BBS7: variants seen among roughly 807,000 people sequenced by gnomAD.
BBS7 encodes BBSome complex member BBS7.
Under a neutral mutation model 90.3 loss-of-function variants are expected in BBS7, and 50 were observed. The observed-to-expected ratio is 0.55, with a 90% CI of 0.44 to 0.70. The LOEUF (loss-of-function observed/expected upper bound fraction) is 0.70, where lower values mean the gene tolerates loss of function less well. Among genes scored for constraint, BBS7 ranks in the 30% least tolerant of loss-of-function variants. BBS7 has a pLI of 0.00. For synonymous variants in BBS7, 235 were observed against 287.4 expected (o/e 0.82, Z 1.85); for missense variants, 729 against 838.9 (o/e 0.87, Z 1.62).
rs923930905 is a variant in BBS7, at chr4:121,832,980, T to A, written c.1676+251A>T. Among the ~76,000 whole-genome samples, 11 of 152,340 alleles carry A rather than the reference T, an allele frequency of 7.2e-5. No individual in the cohort carries two copies. In the East Asian group the frequency reaches 2.1e-3, roughly 29 times the overall value. The stretch of plus-strand genomic sequence containing the variant: ...TTATTGCTACTCTGAAGGGCTCTTT[T>A]TAAATAATTTATTTTCTCACTAGTT... On this transcript the variant is annotated intron_variant, in intron 15 of 18. Coordinates refer to ENST00000264499, the MANE Select transcript of BBS7 (RefSeq NM_176824.3).
At chr4:121,852,346 G>A (rs1030494339) in intron 8 of BBS7, among the ~76,000 whole-genome samples, 1 of 152,074 alleles carries the variant, frequency 6.6e-6, no homozygotes, top group African/African-American at 2.4e-5. Context: ...AGGCAGGATA[G>A]GGAAGCCCTG....
At chr4:121,845,761 T>C in intron 10 of BBS7, 65 bp from the exon 11 acceptor site, 1 of 1,447,644 alleles carries the variant, frequency 6.9e-7, no homozygotes, top group Non-Finnish European at 9.6e-7. Context: ...TTAGGATGTT[T>C]ACAAAAATTT....
chr4:121,843,153 A>G (rs1321523571), intron 12 of BBS7, among the ~76,000 whole-genome samples: 1 of 152,180 alleles, frequency 6.6e-6, no homozygotes, highest in Non-Finnish European at 1.5e-5. Context: ...GAGAAGTTAG[A>G]GATGTAATCA....
chr4:121,839,759 A>T, intron 12 of BBS7, 63 bp from the exon 13 acceptor site: 2 of 1,346,108 alleles, frequency 1.5e-6, no homozygotes, highest in Non-Finnish European at 1.1e-6. Context: ...AAAAAAAGAC[A>T]TCAATAATAA....
chr4:121,830,930 G>A lies in BBS7; in HGVS notation c.1677-2202C>T, dbSNP rs573657860. On this transcript the variant is annotated intron_variant, in intron 15 of 18. Transcript: ENST00000264499. ...GTTTGTATAAAAATTATTAGAGGCC[G>A]GGCTTGGTGGCTCATGCCTGTAATA... Among the ~76,000 whole-genome samples the A allele has an allele frequency of 7.9e-5, 12 of 152,288 alleles. 1 individual carries two copies. In the South Asian group the frequency reaches 2.1e-3, roughly 26 times the overall value.
intron 5 of BBS7, 22 bp downstream of exon 5, chr4:121,858,970 G>GAAAAATACA (rs1560664003): frequency 6.2e-7 from 1 of 1,606,106 alleles, no homozygotes; most frequent in South Asian, 1.1e-5. Flanking sequence ...TAAAAAATTA[G>GAAAAATACA]AAAAATACAA....
chr4:121,865,896 C>A (rs1727243767), intron 2 of BBS7, among the ~76,000 whole-genome samples: 1 of 152,042 alleles, frequency 6.6e-6, no homozygotes, highest in African/African-American at 2.4e-5. Context: ...GTTTTCTTGT[C>A]TTTTTGATAA....
intron 9 of BBS7, among the ~76,000 whole-genome samples, 166 bp from the exon 10 acceptor site, chr4:121,847,672 G>C (rs1040340725): frequency 2.0e-5 from 3 of 151,342 alleles, no homozygotes; most frequent in Non-Finnish European, 4.4e-5. Context: ...AAATCAAGCT[G>C]GAAAATATTC....
chr4:121,826,028 T>C, intron 18 of BBS7, 35 bp from the exon 19 acceptor site: 1 of 1,514,036 alleles, frequency 6.6e-7, no homozygotes, highest in East Asian at 2.3e-5. Flanking sequence ...CTGTCAGTGA[T>C]TAGTTATATT....
intron 2 of BBS7, among the ~76,000 whole-genome samples, chr4:121,865,186 T>C (rs956114943): frequency 5.3e-5 from 8 of 152,084 alleles, no homozygotes; most frequent in African/African-American, 1.9e-4. Flanking sequence ...CTAAACATAA[T>C]GTCCTCCAGT....
chr4:121,862,196 T>C (rs1012347334), intron 3 of BBS7, among the ~76,000 whole-genome samples: 15 of 152,236 alleles, frequency 9.9e-5, no homozygotes, highest in African/African-American at 3.6e-4. Context: ...TAAATTTTAA[T>C]AGTTAAAGGA....
At chr4:121,847,254 C>T (rs1270673797) in intron 10 of BBS7, 150 bp downstream of exon 10, 5 of 616,224 alleles carry the variant, frequency 8.1e-6, no homozygotes, top group African/African-American at 3.7e-5. Flanking sequence ...CTAATTTTCT[C>T]GAAACTGTAA....
intron 13 of BBS7, 91 bp downstream of exon 13, chr4:121,839,540 T>C (rs951275276): frequency 1.2e-5 from 13 of 1,077,110 alleles, no homozygotes; most frequent in Non-Finnish European, 1.7e-5. Context: ...AGAAATTAAA[T>C]GCAAACAAAT....
Position 121,863,292 on chromosome 4 carries a change from G to A in BBS7, c.103-13C>T. 6.2e-7 allele frequency: 1 copy of A among 1,602,572 alleles called. No homozygotes were observed. On this transcript the variant is annotated splice_polypyrimidine_tract_variant and intron_variant, in intron 2 of 18. Transcript: ENST00000264499. ...CTCCAATAACCACCTGTAATAGATG[G>A]AAGATAATCTAAAATTACTATTATT...
At chr4:121,843,811 T>C in intron 12 of BBS7, 116 bp downstream of exon 12, 1 of 742,774 alleles carries the variant, frequency 1.3e-6, no homozygotes, top group Non-Finnish European at 2.3e-6. Flanking sequence ...AAGGAAAGGT[T>C]ACATAAGAAA....
At chr4:121,868,502 G>C (rs749656001) in intron 1 of BBS7, among the ~76,000 whole-genome samples, 6 of 151,524 alleles carry the variant, frequency 4.0e-5, no homozygotes, top group Non-Finnish European at 8.8e-5. Context: ...GGCAACACAG[G>C]GAGACTCTGT....
chr4:121,837,003 A>G (rs919408439), intron 13 of BBS7, among the ~76,000 whole-genome samples: 3 of 151,406 alleles, frequency 2.0e-5, no homozygotes, highest in Non-Finnish European at 4.4e-5. Flanking sequence ...TCCATTGCCC[A>G]AGCTGAAGTA....
In BBS7 at chr4:121,837,640, T is replaced by C. The variant is rs1725521813; in HGVS notation, c.1371+1991A>G. ...ATTATTCTGTTGCATGGCCTATTTA[T>C]TTAGGCTTGGAAATATCCTCCATTA... On this transcript the variant is annotated intron_variant, in intron 13 of 18. Coordinates refer to ENST00000264499, the MANE Select transcript of BBS7 (RefSeq NM_176824.3). 2.0e-5 allele frequency among the ~76,000 whole-genome samples: 3 copies of C among 152,266 alleles called. No homozygotes were observed. In the South Asian group the frequency reaches 6.2e-4, roughly 32 times the overall value.
chr4:121,847,274 T>G, intron 10 of BBS7, 130 bp downstream of exon 10: 2 of 652,546 alleles, frequency 3.1e-6, no homozygotes, highest in Non-Finnish European at 2.6e-6. Flanking sequence ...AACTTCCATT[T>G]TAAAAGGTGA....
Sources: gnomAD v4.1 joint callset for allele counts (sites outside exome capture counted in the v4.1 genomes callset) on GRCh38, gnomAD v4.1.1 for gene constraint, MANE v1.5 for transcripts, NCBI Gene and HGNC (gene_info 2026-07-23, HGNC 2026-07-21) for gene names.